KIF21A: variants seen among roughly 807,000 people sequenced by gnomAD.
KIF21A encodes kinesin-like protein KIF21A.
Under a neutral mutation model 202.9 loss-of-function variants are expected in KIF21A, and 114 were observed. The ratio of observed to expected loss-of-function variants is 0.56; its 90% confidence interval spans 0.48 to 0.66. KIF21A has a LOEUF of 0.66. Ranked by LOEUF, KIF21A falls within the 30% of genes least tolerant of loss-of-function variation. The pLI is 0.00. For synonymous variants in KIF21A, 667 were observed against 670.8 expected, an observed-to-expected ratio of 0.99 and a Z score of 0.09; for missense variants, 1,677 against 1,994.9, an observed-to-expected ratio of 0.84 and a Z score of 3.04.
At chr12:39,393,644 G>C (rs868177018) in intron 1 of KIF21A, among the ~76,000 whole-genome samples, 2 of 152,202 alleles carry the variant, frequency 1.3e-5, no homozygotes, top group African/African-American at 4.8e-5. Context: ...CCCAGCCTAA[G>C]ATAGTCAGTA....
At chr12:39,416,629 G>A (rs531439906) in intron 1 of KIF21A, among the ~76,000 whole-genome samples, 4 of 127,752 alleles carry the variant, frequency 3.1e-5, no homozygotes, top group South Asian at 3.1e-4. Flanking sequence ...ACATATATAT[G>A]TGTATATATA....
intron 36 of KIF21A, 95 bp downstream of exon 36, chr12:39,302,870 G>T: frequency 9.4e-7 from 1 of 1,066,438 alleles, no homozygotes; most frequent in Non-Finnish European, 1.5e-6. Flanking sequence ...ATCTGTAAAT[G>T]ATAAAAATCT....
chr12:39,304,357 A>G (rs1191762419), intron 35 of KIF21A, among the ~76,000 whole-genome samples: 1 of 152,212 alleles, frequency 6.6e-6, no homozygotes, highest in Non-Finnish European at 1.5e-5. Flanking sequence ...CCCCAAACCT[A>G]CATCTCTAGT....
Position 39,427,218 on chromosome 12 carries a change from T to C in KIF21A, c.44+15709A>G, listed in dbSNP as rs192713979. Among the ~76,000 whole-genome samples, 371 of 152,328 alleles carry C rather than the reference T, an allele frequency of 2.4e-3. 1 individual carries two copies. Among genetic ancestry groups the C allele is most frequent in the South Asian group, 8.7e-3 (42 of 4,832 alleles). Reference sequence around the variant, plus strand: ...GGAATGGATCTGAGCTGAAATAAATTGGAATGGTCAGGGATGGAAGTTACT... The same window carrying C: ...GGAATGGATCTGAGCTGAAATAAATCGGAATGGTCAGGGATGGAAGTTACT... On this transcript the variant is annotated intron_variant, in intron 1 of 37. Coordinates refer to ENST00000361418, the MANE Select transcript of KIF21A (RefSeq NM_001173464.2).
chr12:39,320,932 C>CAAAAAAA (rs59613512), intron 27 of KIF21A, among the ~76,000 whole-genome samples: 2 of 16,136 alleles, frequency 1.2e-4, no homozygotes, highest in African/African-American at 2.0e-4. Context: ...AAGACTCTGC[C>CAAAAAAA]AAAAAAAAAA....
chr12:39,392,370 C>G (rs1228286827), intron 1 of KIF21A, among the ~76,000 whole-genome samples: 5 of 152,086 alleles, frequency 3.3e-5, no homozygotes, highest in African/African-American at 1.2e-4. Context: ...TCTCCCAACC[C>G]CTGTTTGTAT....
chr12:39,369,646 C>T lies in KIF21A; in HGVS notation c.450+83G>A, dbSNP rs1949823321. 17 of 1,034,748 alleles carry T rather than the reference C, an allele frequency of 1.6e-5. No homozygotes were observed. In the South Asian group the frequency reaches 2.2e-4, roughly 13 times the overall value. 64.1% of individuals were successfully genotyped at this position (1,034,748 alleles called of 1,614,324 possible). On this transcript the variant is annotated intron_variant, in intron 3 of 37. Transcript: ENST00000361418. ...TGAGTACTATCTTCAAAGCACTATA[C>T]TTGAAGCCAACAGTATAAAATCATA... is the stretch of plus-strand genomic sequence containing the variant.
Position 39,332,195 on chromosome 12 carries a change from T to G in KIF21A, c.3051+19A>C. On this transcript the variant is annotated intron_variant, in intron 21 of 37. Transcript: ENST00000361418. ...AGTACTTTTCATTAAACCATTACGC[T>G]TTTTTAAAAATTACAAACCTTTGCT... 6.2e-7 allele frequency: 1 copy of G among 1,609,292 alleles called. No individual in the cohort carries two copies. Among genetic ancestry groups the G allele is most frequent in the Non-Finnish European group, 8.5e-7 (1 of 1,176,552 alleles).
intron 17 of KIF21A, among the ~76,000 whole-genome samples, chr12:39,336,444 G>T (rs754538417): frequency 6.6e-6 from 1 of 151,960 alleles, no homozygotes; most frequent in Non-Finnish European, 1.5e-5. Context: ...TTAATGCATG[G>T]TCATTTTTCA....
At chr12:39,399,422 A>G (rs1247213443) in intron 1 of KIF21A, among the ~76,000 whole-genome samples, 1 of 152,170 alleles carries the variant, frequency 6.6e-6, no homozygotes, top group Non-Finnish European at 1.5e-5. Flanking sequence ...GTAGTTAATA[A>G]GTCTAGTATC....
intron 1 of KIF21A, among the ~76,000 whole-genome samples, chr12:39,390,056 C>T (rs1951233419): frequency 6.6e-6 from 1 of 152,166 alleles, no homozygotes; most frequent in Non-Finnish European, 1.5e-5. Context: ...TTTAGGGACA[C>T]TACTTGCATC....
chr12:39,309,538 A>G (rs1555146825), intron 33 of KIF21A, 48 bp downstream of exon 33: 7 of 1,390,320 alleles, frequency 5.0e-6, no homozygotes, highest in South Asian at 1.3e-5. Flanking sequence ...AAAAAAAAAA[A>G]AAGAAGAGCT....
At position 39,326,321 on chromosome 12, in the gene KIF21A, T is replaced by C; in HGVS notation, c.3344A>G (p.Asn1115Ser). The change falls in exon 25 of 38, where the codon AAT becomes AGT. Residue 1115 changes from asparagine (N) to serine (S), a missense_variant. Around this residue, in one of 3 missense-constraint regions of KIF21A, gnomAD observed 705 missense variants for 791.9 expected, o/e 0.89. Transcript: ENST00000361418. ...LQDLDSVPLE[N>S]VEDSTDEDAP... ...ATCCTCATCAGTACTATCCTCTACATTTTCTACAAAAAAATGTTTAAAATG... is the reference window on the plus strand; with the variant it reads ...ATCCTCATCAGTACTATCCTCTACACTTTCTACAAAAAAATGTTTAAAATG... 6.2e-7 allele frequency: 1 copy of C among 1,610,162 alleles called. No individual in the cohort carries two copies. The highest frequency in any genetic ancestry group is 8.5e-7 in the Non-Finnish European group (1 of 1,176,784).
At chr12:39,351,443 A>G (rs1948372390) in intron 11 of KIF21A, among the ~76,000 whole-genome samples, 1 of 152,132 alleles carries the variant, frequency 6.6e-6, no homozygotes, top group African/African-American at 2.4e-5. Flanking sequence ...GAAAACACTG[A>G]GTTGTAATGG....
At chr12:39,351,396 G>A (rs545097391) in intron 11 of KIF21A, among the ~76,000 whole-genome samples, 7 of 152,214 alleles carry the variant, frequency 4.6e-5, no homozygotes, top group South Asian at 4.1e-4. Context: ...AAATATCCAT[G>A]AGACTATTTA....
At chr12:39,311,844 C>T (rs1944062321) in intron 31 of KIF21A, 1 of 336,040 alleles carries the variant, frequency 3.0e-6, no homozygotes. Context: ...TTTAACGAAG[C>T]CACAATGGGA....
At chr12:39,323,828 C>T (rs1442339380) in intron 26 of KIF21A, among the ~76,000 whole-genome samples, 2 of 152,096 alleles carry the variant, frequency 1.3e-5, no homozygotes, top group Admixed American at 1.3e-4. Flanking sequence ...ATATGAGATC[C>T]GGCAGGGTGC....
chr12:39,381,985 C>A (rs1950644433), intron 1 of KIF21A, among the ~76,000 whole-genome samples: 1 of 152,142 alleles, frequency 6.6e-6, no homozygotes, highest in African/African-American at 2.4e-5. Context: ...AATCCCCAGA[C>A]AATAGCAAGC....
At chr12:39,379,796 T>G (rs965522483) in intron 1 of KIF21A, among the ~76,000 whole-genome samples, 1 of 152,156 alleles carries the variant, frequency 6.6e-6, no homozygotes, top group African/African-American at 2.4e-5. Flanking sequence ...GGTACAGTAG[T>G]CTACCTTCTG....
Sources: gnomAD v4.1 joint callset for allele counts (sites outside exome capture counted in the v4.1 genomes callset) on GRCh38, gnomAD v4.1.1 for gene constraint, gnomAD v4.1.1 regional missense constraint, MANE v1.5 for transcripts, NCBI Gene and HGNC (gene_info 2026-07-23, HGNC 2026-07-21) for gene names.